ZNF362: variants seen among roughly 807,000 people sequenced by gnomAD.
The protein encoded by ZNF362 is zinc finger protein 362, also known as rotund homolog.
Under a neutral mutation model 42.9 loss-of-function variants are expected in ZNF362, and 11 were observed. The ratio of observed to expected loss-of-function variants is 0.26; its 90% CI spans 0.16 to 0.42. The LOEUF (loss-of-function observed/expected upper bound fraction) is 0.42. ZNF362 is among the 20% of genes least tolerant of loss of function. The pLI is 1.00. For synonymous variants in ZNF362, 255 were observed against 257.3 expected, an observed-to-expected ratio of 0.99 and a Z score of 0.09; for missense variants, 362 against 576.2, an observed-to-expected ratio of 0.63 and a Z score of 3.81.
chr1:33,179,065 T>C, the ZNF362 span, among the ~76,000 whole-genome samples: 2 of 152,240 alleles, frequency 1.3e-5, no homozygotes, highest in African/African-American at 4.8e-5. Context: ...GCAAGTCACA[T>C]AACTTCTCCA....
the ZNF362 span, among the ~76,000 whole-genome samples, chr1:33,172,435 G>A: frequency 3.3e-5 from 5 of 152,062 alleles, no homozygotes; most frequent in Non-Finnish European, 7.4e-5. Flanking sequence ...TGACAGGTGG[G>A]TGGAGTCACA....
At chr1:33,180,091 T>C in the ZNF362 span, among the ~76,000 whole-genome samples, 2 of 152,048 alleles carry the variant, frequency 1.3e-5, no homozygotes, top group Non-Finnish European at 2.9e-5. Context: ...AGTTTGTCAG[T>C]GAAGACAGGA....
the ZNF362 span, among the ~76,000 whole-genome samples, chr1:33,152,836 G>T: frequency 6.6e-6 from 1 of 152,194 alleles, no homozygotes; most frequent in East Asian, 1.9e-4. Context: ...ACTGGATTCA[G>T]ATTAGCAGGG....
chr1:33,204,766 T>C, the ZNF362 span, among the ~76,000 whole-genome samples: 1 of 152,224 alleles, frequency 6.6e-6, no homozygotes, highest in Non-Finnish European at 1.5e-5. Context: ...TCATCGTTAC[T>C]GTACTAGGGG....
chr1:33,160,692 A>G, the ZNF362 span, among the ~76,000 whole-genome samples: 1 of 152,210 alleles, frequency 6.6e-6, no homozygotes, highest in Admixed American at 6.5e-5. Flanking sequence ...GGCGTGAGCC[A>G]TCGTGCCCGG....
the ZNF362 span, chr1:33,176,389 A>C: frequency 1.5e-6 from 1 of 684,842 alleles, no homozygotes; most frequent in Non-Finnish European, 2.7e-6. Flanking sequence ...GTGTCACTGG[A>C]TCACCATACC....
chr1:33,288,659 C>G lies in ZNF362; in HGVS notation c.909-6278C>G, dbSNP rs758944945. 2.2e-5 allele frequency among the ~76,000 whole-genome samples: 3 copies of G among 137,124 alleles called. No homozygotes were observed. The Admixed American group carries it at 2.5e-4, about 11-fold the overall frequency. The allele number at this position is 137,124 out of a possible 152,430, so 90.0% of individuals were successfully genotyped here. On this transcript the variant is annotated intron_variant, in intron 6 of 8. Coordinates refer to ENST00000539719, the MANE Select transcript of ZNF362 (RefSeq NM_152493.3). ...ACTTGGGAGGCTGAGGCAGGATAAT[C>G]GCTGAACTGGGGAGGCGGAGGTTGC...
the ZNF362 span, among the ~76,000 whole-genome samples, chr1:33,144,054 A>G: frequency 6.6e-6 from 1 of 152,132 alleles, no homozygotes; most frequent in African/African-American, 2.4e-5. Context: ...GATGGCATTC[A>G]TGATTATGCC....
intron 1 of ZNF362, among the ~76,000 whole-genome samples, chr1:33,268,514 G>T (rs907678520): frequency 1.3e-5 from 2 of 152,204 alleles, no homozygotes; most frequent in African/African-American, 4.8e-5. Flanking sequence ...TGATGGAAAG[G>T]CAGGGTACAA....
At chr1:33,257,477 C>G (rs1341122158) in intron 1 of ZNF362, among the ~76,000 whole-genome samples, 1 of 149,162 alleles carries the variant, frequency 6.7e-6, no homozygotes, top group Non-Finnish European at 1.5e-5. Context: ...GATCTCGAGG[C>G]CCATTTCTCC....
the ZNF362 span, among the ~76,000 whole-genome samples, chr1:33,179,923 A>T: frequency 6.6e-6 from 1 of 152,232 alleles, no homozygotes; most frequent in Non-Finnish European, 1.5e-5. Context: ...GGGTGGGTAT[A>T]AAAAATATAC....
At chr1:33,182,665 G>A in the ZNF362 span, among the ~76,000 whole-genome samples, 38 of 151,536 alleles carry the variant, frequency 2.5e-4, no homozygotes, top group Admixed American at 1.4e-3. Flanking sequence ...CAGGAGAGAG[G>A]GAGAAAAAGT....
At chr1:33,258,006 A>G (rs1645805515) in intron 1 of ZNF362, among the ~76,000 whole-genome samples, 1 of 152,068 alleles carries the variant, frequency 6.6e-6, no homozygotes, top group Admixed American at 6.5e-5. Flanking sequence ...ACCCCACCCT[A>G]TGATGAACTT....
At chr1:33,135,434 C>T in the ZNF362 span, among the ~76,000 whole-genome samples, 1 of 152,226 alleles carries the variant, frequency 6.6e-6, no homozygotes, top group Non-Finnish European at 1.5e-5. Context: ...TAAGAGACCA[C>T]CTGGCACGTG....
chr1:33,178,323 C>A, the ZNF362 span, among the ~76,000 whole-genome samples: 2 of 152,286 alleles, frequency 1.3e-5, no homozygotes, highest in South Asian at 2.1e-4. Context: ...AGCTAATAAG[C>A]CTTGCCTTCC....
At position 33,270,584 on chromosome 1, in the gene ZNF362, A is replaced by G. The variant is rs1438773034; in HGVS notation, c.10A>G (p.Ser4Gly). The G allele has an allele frequency of 1.2e-6, 2 of 1,606,582 alleles. No homozygotes were observed. The highest frequency in any genetic ancestry group is 1.7e-6 in the Non-Finnish European group (2 of 1,173,348). ...AGCTGGGTCTTGAAGGATGAGTAGA[A>G]GTTCACCAAGTGGGAAAGGACACTC... MSRSSPSGKGHSRM... is the reference protein window; with the variant it reads MSRGSPSGKGHSRM... The change falls in exon 2 of 9, where the codon AGT (serine) becomes GGT (glycine). Residue 4 changes from serine to glycine, a missense_variant. Transcript: ENST00000539719.
rs754859877 is a variant in ZNF362, at chr1:33,280,073, C to T, written c.350-51C>T. 4.0e-6 allele frequency: 6 copies of T among 1,509,884 alleles called. No homozygotes were observed. The highest frequency in any genetic ancestry group is 5.3e-6 in the Non-Finnish European group (6 of 1,128,382). The allele number at this position is 1,509,884 out of a possible 1,614,324, so 93.5% of individuals were successfully genotyped here. On this transcript the variant is annotated intron_variant, in intron 4 of 8. Transcript: ENST00000539719. The surrounding 1 kb of genome is among the most constrained non-coding windows in gnomAD (Gnocchi z 5.6). ...TCACATAGCTGGGTGGGCAGCTGAG[C>T]TGGCCTCTGCAGCTCCGCTCACCCC...
chr1:33,209,601 G>T, the ZNF362 span, among the ~76,000 whole-genome samples: 2 of 152,094 alleles, frequency 1.3e-5, no homozygotes, highest in African/African-American at 4.8e-5. Flanking sequence ...CAATTTCAGA[G>T]CCTGTTATTG....
chr1:33,270,802 C>T (rs1194643356), intron 2 of ZNF362, among the ~76,000 whole-genome samples, 190 bp downstream of exon 2: 4 of 152,158 alleles, frequency 2.6e-5, no homozygotes, highest in Non-Finnish European at 2.9e-5. Context: ...TTCCTCCTCA[C>T]GGCAGCTGCT....
Sources: gnomAD v4.1 joint callset for allele counts (sites outside exome capture counted in the v4.1 genomes callset) on GRCh38, gnomAD v4.1.1 for gene constraint, Gnocchi (gnomAD v3.1) non-coding constraint, MANE v1.5 for transcripts, NCBI Gene and HGNC (gene_info 2026-07-23, HGNC 2026-07-21) for gene names.